Variants in PLXDC2 observed in about 807,000 individuals in gnomAD.
PLXDC2 encodes the protein plexin domain-containing protein 2.
Under a neutral mutation model 68.9 loss-of-function variants are expected in PLXDC2, and 40 were observed. The observed-to-expected ratio is 0.58, with a 90% CI of 0.45 to 0.76. The LOEUF is 0.76. Ranked by LOEUF, PLXDC2 falls within the 30% of genes least tolerant of loss-of-function variation. PLXDC2 has a pLI of 0.00. For synonymous variants in PLXDC2, 243 were observed against 234.2 expected, an observed-to-expected ratio of 1.04 and a Z score of -0.34; for missense variants, 644 against 661.9, an observed-to-expected ratio of 0.97 and a Z score of 0.30.
intron 2 of PLXDC2, among the ~76,000 whole-genome samples, chr10:20,011,820 A>G (rs913153468): frequency 6.6e-6 from 1 of 152,204 alleles, no homozygotes; most frequent in East Asian, 1.9e-4. Flanking sequence ...CTGTAGTATG[A>G]TGAATCTACT....
At chr10:20,247,881 G>C (rs1227133991) in intron 13 of PLXDC2, among the ~76,000 whole-genome samples, 1 of 152,156 alleles carries the variant, frequency 6.6e-6, no homozygotes, top group African/African-American at 2.4e-5. Flanking sequence ...ATCTTCATTT[G>C]ATATCAGTAA....
At chr10:20,143,811 A>G (rs1251100494) in intron 5 of PLXDC2, among the ~76,000 whole-genome samples, 1 of 152,076 alleles carries the variant, frequency 6.6e-6, no homozygotes, top group East Asian at 1.9e-4. Flanking sequence ...AATTTCCAAA[A>G]CTTATGACTT....
chr10:20,042,543 T>A lies in PLXDC2; in HGVS notation c.325-4326T>A, dbSNP rs145818029. Among the ~76,000 whole-genome samples, 438 of 152,158 alleles carry A rather than the reference T, an allele frequency of 2.9e-3. 3 individuals carry two copies. The highest frequency in any genetic ancestry group is 5.2e-3 in the Admixed American group (79 of 15,256). Reference sequence around the variant, plus strand: ...ATTATGTTTTAAGTATCCATGTATATCAAATGACTACTACACTGATAGTCA... The same window carrying A: ...ATTATGTTTTAAGTATCCATGTATAACAAATGACTACTACACTGATAGTCA... On this transcript the variant is annotated intron_variant, in intron 2 of 13. Coordinates refer to ENST00000377252, the MANE Select transcript of PLXDC2 (RefSeq NM_032812.9).
intron 1 of PLXDC2, among the ~76,000 whole-genome samples, chr10:19,911,934 A>G (rs772905001): frequency 2.6e-5 from 4 of 152,184 alleles, no homozygotes; most frequent in Admixed American, 6.5e-5. Flanking sequence ...TCTTTCTCTG[A>G]AATGTCTGTC....
At chr10:20,279,120 A>G in intron 13 of PLXDC2, among the ~76,000 whole-genome samples, 1 of 152,170 alleles carries the variant, frequency 6.6e-6, no homozygotes, top group South Asian at 2.1e-4. Context: ...AACAGCTTTA[A>G]TTTTCAAGCA....
intron 1 of PLXDC2, among the ~76,000 whole-genome samples, chr10:19,827,129 C>A (rs1301445027): frequency 6.6e-6 from 1 of 152,118 alleles, no homozygotes; most frequent in African/African-American, 2.4e-5. Flanking sequence ...GCTAGAATTT[C>A]TGGGTTATTG....
intron 1 of PLXDC2, among the ~76,000 whole-genome samples, chr10:19,886,598 T>C (rs1837850656): frequency 6.6e-6 from 1 of 152,194 alleles, no homozygotes; most frequent in African/African-American, 2.4e-5. Context: ...AAACTCTCAA[T>C]AAATTAGGAA....
intron 4 of PLXDC2, among the ~76,000 whole-genome samples, chr10:20,117,935 G>A (rs1004153668): frequency 1.3e-5 from 2 of 152,054 alleles, no homozygotes; most frequent in African/African-American, 4.8e-5. Context: ...GATGCTTCCT[G>A]GATTTTACTG....
chr10:20,208,282 A>G (rs1361308348), intron 9 of PLXDC2, among the ~76,000 whole-genome samples: 3 of 152,184 alleles, frequency 2.0e-5, no homozygotes, highest in Non-Finnish European at 4.4e-5. Flanking sequence ...AGGCCTCACA[A>G]TCATGGTGGA....
intron 2 of PLXDC2, among the ~76,000 whole-genome samples, chr10:20,008,446 G>A (rs1254909188): frequency 3.3e-5 from 5 of 152,078 alleles, no homozygotes; most frequent in African/African-American, 9.7e-5. Context: ...CCAGATACTC[G>A]AGAGGCTGAG....
intron 1 of PLXDC2, among the ~76,000 whole-genome samples, chr10:19,910,989 A>G (rs1833260435): frequency 1.3e-5 from 2 of 152,052 alleles, no homozygotes; most frequent in Non-Finnish European, 2.9e-5. Flanking sequence ...AGCTGAGGGG[A>G]CAGTGTGAGA....
intron 1 of PLXDC2, among the ~76,000 whole-genome samples, chr10:19,994,971 T>C (rs2131632218): frequency 6.6e-6 from 1 of 151,854 alleles, no homozygotes; most frequent in South Asian, 2.1e-4. Flanking sequence ...CTCGAATTCC[T>C]GACCTCAGGA....
At chr10:20,085,040 G>A (rs1833172104) in intron 4 of PLXDC2, among the ~76,000 whole-genome samples, 1 of 151,846 alleles carries the variant, frequency 6.6e-6, no homozygotes, top group Admixed American at 6.6e-5. Flanking sequence ...CAACCCTCGG[G>A]TCAAGGACAA....
intron 1 of PLXDC2, among the ~76,000 whole-genome samples, chr10:19,968,706 A>G (rs1395745756): frequency 6.6e-6 from 1 of 152,210 alleles, no homozygotes; most frequent in Non-Finnish European, 1.5e-5. Context: ...AGTGCTATTC[A>G]TCCAAGCCAT....
chr10:20,049,659 G>GA (rs1392482733), intron 3 of PLXDC2, among the ~76,000 whole-genome samples: 25 of 151,916 alleles, frequency 1.6e-4, no homozygotes, highest in Admixed American at 2.6e-4. Flanking sequence ...CCAGGGAAGT[G>GA]AAAAATCTCT....
At chr10:19,817,399 C>T (rs1025513016) in intron 1 of PLXDC2, among the ~76,000 whole-genome samples, 12 of 152,074 alleles carry the variant, frequency 7.9e-5, no homozygotes, top group Non-Finnish European at 1.5e-4. Flanking sequence ...TTTCTTGAGG[C>T]TTTCGGGCTT....
At chr10:20,188,673 A>T (rs1834718469) in intron 9 of PLXDC2, among the ~76,000 whole-genome samples, 1 of 151,804 alleles carries the variant, frequency 6.6e-6, no homozygotes, top group Admixed American at 6.6e-5. Flanking sequence ...AATATTATAG[A>T]AAAAATCTGT....
At chr10:19,841,838 G>A (rs1199411162) in intron 1 of PLXDC2, among the ~76,000 whole-genome samples, 2 of 151,958 alleles carry the variant, frequency 1.3e-5, no homozygotes, top group East Asian at 3.9e-4. Context: ...ATTTCTGTTT[G>A]TATTTTATAG....
chr10:20,226,959 G>A (rs1835295032), intron 12 of PLXDC2, among the ~76,000 whole-genome samples: 1 of 151,760 alleles, frequency 6.6e-6, no homozygotes. Context: ...CCCAGGAACA[G>A]GTTTTGTGTT....
Sources: gnomAD v4.1 joint callset for allele counts (sites outside exome capture counted in the v4.1 genomes callset) on GRCh38, gnomAD v4.1.1 for gene constraint, MANE v1.5 for transcripts, NCBI Gene and HGNC (gene_info 2026-07-23, HGNC 2026-07-21) for gene names.